Variants in EEPD1 observed in about 807,000 individuals in gnomAD.
EEPD1 encodes endonuclease/exonuclease/phosphatase family domain-containing protein 1.
A neutral mutation model predicts 46.3 loss-of-function variants in EEPD1; 17 were observed. The observed-to-expected ratio is 0.37, with a 90% CI of 0.25 to 0.55. The LOEUF (loss-of-function observed/expected upper bound fraction) is 0.55. EEPD1 is among the 20% of genes least tolerant of loss of function. The pLI, the probability that EEPD1 is intolerant of heterozygous loss-of-function variation, is 0.83. For synonymous variants in EEPD1, 313 were observed against 315.6 expected (o/e 0.99, Z 0.09); for missense variants, 673 against 745.6 (o/e 0.90, Z 1.13).
intron 2 of EEPD1, among the ~76,000 whole-genome samples, chr7:36,189,530 AT>A (rs1785425193): frequency 6.6e-6 from 1 of 152,158 alleles, no homozygotes; most frequent in Non-Finnish European, 1.5e-5. Flanking sequence ...TCTAGGTAGA[AT>A]TTTGTTGAAT....
chr7:36,295,183 A>AG, intron 6 of EEPD1, among the ~76,000 whole-genome samples: 1 of 149,310 alleles, frequency 6.7e-6, no homozygotes. Flanking sequence ...TCTCAAAAAG[A>AG]AAAAAAGAAA....
At chr7:36,231,338 T>C (rs1348893340) in intron 2 of EEPD1, among the ~76,000 whole-genome samples, 2 of 152,238 alleles carry the variant, frequency 1.3e-5, no homozygotes, top group Non-Finnish European at 2.9e-5. Context: ...CTTCAAGCTG[T>C]CATTTATCTA....
chr7:36,191,127 T>C (rs1785453575), intron 2 of EEPD1, among the ~76,000 whole-genome samples: 1 of 152,240 alleles, frequency 6.6e-6, no homozygotes, highest in Non-Finnish European at 1.5e-5. Flanking sequence ...GGTCATGAAG[T>C]GTGCCCCATT....
rs1171609973 is a variant in EEPD1 at position 36,278,920 on chromosome 7, C to T, written c.931-2195C>T. Reference sequence around the variant, plus strand: ...AGTGACTCTCTCCACAGCCACTCTGCTCTGGGCTGTGTTGAAAGTAGAACC... The same window carrying T: ...AGTGACTCTCTCCACAGCCACTCTGTTCTGGGCTGTGTTGAAAGTAGAACC... On this transcript the variant is annotated intron_variant, in intron 3 of 7. Coordinates refer to ENST00000242108, the MANE Select transcript of EEPD1 (RefSeq NM_030636.3). Among the ~76,000 whole-genome samples the T allele has an allele frequency of 2.0e-5, 3 of 152,170 alleles. No individual in the cohort carries two copies. The South Asian group carries it at 6.2e-4, about 31-fold the overall frequency.
intron 3 of EEPD1, among the ~76,000 whole-genome samples, chr7:36,263,358 AATT>A (rs1255272403): frequency 6.6e-6 from 1 of 152,094 alleles, no homozygotes; most frequent in African/African-American, 2.4e-5. Flanking sequence ...AAGCAGAGTT[AATT>A]AGGTTTGAAG....
intron 2 of EEPD1, among the ~76,000 whole-genome samples, chr7:36,158,148 AAAATC>A (rs774659891): frequency 6.6e-6 from 1 of 152,230 alleles, no homozygotes; most frequent in Non-Finnish European, 1.5e-5. Flanking sequence ...TAAGGAAACT[AAAATC>A]AAGTAAGTTA....
At chr7:36,296,160 T>C (rs1419946190) in intron 6 of EEPD1, among the ~76,000 whole-genome samples, 2 of 151,512 alleles carry the variant, frequency 1.3e-5, no homozygotes, top group Non-Finnish European at 2.9e-5. Flanking sequence ...ACATGATGGA[T>C]GGATGGATAC....
At chr7:36,223,225 A>C (rs1196696460) in intron 2 of EEPD1, among the ~76,000 whole-genome samples, 1 of 152,206 alleles carries the variant, frequency 6.6e-6, no homozygotes, top group Non-Finnish European at 1.5e-5. Context: ...AATAAGAAAT[A>C]AATTTTAACA....
At chr7:36,232,484 G>A (rs111743572) in intron 2 of EEPD1, among the ~76,000 whole-genome samples, 4,686 of 151,960 alleles carry the variant, frequency 0.031, 235 homozygotes, top group African/African-American at 0.11. Context: ...GATTACAGAC[G>A]TGATACTGCA....
chr7:36,217,105 A>C (rs1003002698), intron 2 of EEPD1, among the ~76,000 whole-genome samples: 1 of 152,272 alleles, frequency 6.6e-6, no homozygotes, highest in Non-Finnish European at 1.5e-5. Flanking sequence ...GAGTAAAGTG[A>C]AAACAAGTTT....
In EEPD1 at chr7:36,171,201, G is replaced by T. The variant is rs888987608; in HGVS notation, c.878+15999G>T. On this transcript the variant is annotated intron_variant, in intron 2 of 7. Transcript: ENST00000242108. ...GCCTCCCAAAGTGCTGAGATTACAG[G>T]CATGAGCCACCATGCCCAGCCCCAT... Among the ~76,000 whole-genome samples the T allele has an allele frequency of 5.9e-5, 9 of 152,144 alleles. No homozygotes were observed. The South Asian group carries it at 1.7e-3, about 28-fold the overall frequency.
rs76058760 is a variant in EEPD1, at chr7:36,164,021, G to A, written c.878+8819G>A. On this transcript the variant is annotated intron_variant, in intron 2 of 7. Transcript: ENST00000242108. ...TGGGTTCCCTAGGTTATGATTTTTC[G>A]TAAGTATACTGATATATAATGATAT... Among the ~76,000 whole-genome samples, 8 of 151,892 alleles carry A rather than the reference G, an allele frequency of 5.3e-5. No homozygotes were observed. In the East Asian group the frequency reaches 1.5e-3, roughly 29 times the overall value.
intron 2 of EEPD1, among the ~76,000 whole-genome samples, chr7:36,227,508 C>T (rs1583820440): frequency 6.6e-6 from 1 of 152,156 alleles, no homozygotes. Context: ...CAGATGCTGA[C>T]GGCCCCTGTG....
chr7:36,184,385 T>C (rs1378969283), intron 2 of EEPD1, among the ~76,000 whole-genome samples: 2 of 152,228 alleles, frequency 1.3e-5, no homozygotes, highest in African/African-American at 4.8e-5. Context: ...TGTTGTGTTT[T>C]GACCACTTCC....
chr7:36,190,126 C>T (rs1029943643), intron 2 of EEPD1, among the ~76,000 whole-genome samples: 2 of 152,012 alleles, frequency 1.3e-5, no homozygotes, highest in Non-Finnish European at 2.9e-5. Context: ...AATCCCAACA[C>T]TTTGGGAAGC....
At chr7:36,170,995 C>T (rs1186272754) in intron 2 of EEPD1, among the ~76,000 whole-genome samples, 1 of 152,196 alleles carries the variant, frequency 6.6e-6, no homozygotes, top group African/African-American at 2.4e-5. Context: ...GATCACAGCT[C>T]ACAGCAGCCT....
intron 7 of EEPD1, among the ~76,000 whole-genome samples, chr7:36,297,640 A>G (rs181968465): frequency 4.6e-5 from 7 of 152,320 alleles, no homozygotes; most frequent in African/African-American, 1.7e-4. Flanking sequence ...AACATTTGTC[A>G]AACATGCAAG....
At chr7:36,294,266 G>T (rs1787489860) in intron 6 of EEPD1, among the ~76,000 whole-genome samples, 1 of 151,938 alleles carries the variant, frequency 6.6e-6, no homozygotes, top group Non-Finnish European at 1.5e-5. Flanking sequence ...CATTTTAAAT[G>T]AAAGAATATT....
intron 2 of EEPD1, among the ~76,000 whole-genome samples, chr7:36,195,126 G>A (rs1435324534): frequency 6.6e-6 from 1 of 152,218 alleles, no homozygotes; most frequent in Non-Finnish European, 1.5e-5. Context: ...GAGAGGCAGG[G>A]CGCCCTTCTG....
Sources: gnomAD v4.1 joint callset for allele counts (sites outside exome capture counted in the v4.1 genomes callset) on GRCh38, gnomAD v4.1.1 for gene constraint, MANE v1.5 for transcripts, NCBI Gene and HGNC (gene_info 2026-07-23, HGNC 2026-07-21) for gene names.